The following SAMD12 variants were observed in gnomAD, a reference collection of about 807,000 sequenced individuals.
The protein encoded by SAMD12 is sterile alpha motif domain-containing protein 12.
In SAMD12, 9 loss-of-function variants were observed where a neutral mutation model predicts 15.0. The ratio of observed to expected loss-of-function variants is 0.60; its 90% CI spans 0.36 to 1.05. The LOEUF is 1.05. Ranked by LOEUF, SAMD12 falls within the 50% of genes least tolerant of loss-of-function variation. The probability of loss-of-function intolerance (pLI) is 0.01; values close to 1 mark genes in which losing one functional copy is unlikely to be tolerated. For missense variants in SAMD12, 230 were observed against 234.2 expected, an observed-to-expected ratio of 0.98 and a Z score of 0.12; for synonymous variants, 86 against 90.1, an observed-to-expected ratio of 0.96 and a Z score of 0.25.
At chr8:118,180,224 T>C in the SAMD12 span, among the ~76,000 whole-genome samples, 1 of 152,202 alleles carries the variant, frequency 6.6e-6, no homozygotes, top group African/African-American at 2.4e-5. Context: ...TCTATCCGTG[T>C]CTCATTCACT....
At chr8:118,552,887 A>G (rs1342045007) in intron 2 of SAMD12, among the ~76,000 whole-genome samples, 3 of 151,776 alleles carry the variant, frequency 2.0e-5, no homozygotes, top group Non-Finnish European at 4.4e-5. Flanking sequence ...TACACCAATA[A>G]CAGACAAACA....
chr8:118,613,567 C>T (rs1463268794), intron 1 of SAMD12, among the ~76,000 whole-genome samples: 9 of 152,192 alleles, frequency 5.9e-5, no homozygotes, highest in Non-Finnish European at 1.3e-4. Flanking sequence ...TCTCTTTTCA[C>T]TAAAGACTTC....
At chr8:118,173,726 T>C in the SAMD12 span, among the ~76,000 whole-genome samples, 36 of 150,954 alleles carry the variant, frequency 2.4e-4, no homozygotes, top group Admixed American at 3.3e-4. Context: ...GCCTCCTGGG[T>C]TCAAGTGATT....
chr8:118,570,669 T>TA (rs1826984718), intron 2 of SAMD12, among the ~76,000 whole-genome samples: 1 of 152,204 alleles, frequency 6.6e-6, no homozygotes, highest in Non-Finnish European at 1.5e-5. Context: ...GCAATGAACA[T>TA]ACGTGTATCT....
At chr8:118,390,056 G>C (rs949915801) in intron 3 of SAMD12, among the ~76,000 whole-genome samples, 8 of 152,172 alleles carry the variant, frequency 5.3e-5, no homozygotes, top group African/African-American at 1.9e-4. Context: ...ACCCAGGCTG[G>C]AGTGCAGTGG....
At chr8:118,177,212 T>G in the SAMD12 span, among the ~76,000 whole-genome samples, 2 of 151,438 alleles carry the variant, frequency 1.3e-5, no homozygotes, top group South Asian at 4.2e-4. Flanking sequence ...GAATTTTGTA[T>G]TAAGTCTAAA....
chr8:118,540,566 G>C (rs1034404882), intron 2 of SAMD12, among the ~76,000 whole-genome samples: 2 of 152,108 alleles, frequency 1.3e-5, no homozygotes, highest in Non-Finnish European at 2.9e-5. Context: ...GGAAAGTTAA[G>C]AATCTCACAG....
At chr8:118,333,998 AG>A (rs1816936242) in intron 4 of SAMD12, among the ~76,000 whole-genome samples, 1 of 148,054 alleles carries the variant, frequency 6.8e-6, no homozygotes, top group South Asian at 2.2e-4. Context: ...TGTGTGTGGG[AG>A]GGGAGTGTCC....
At chr8:118,171,990 C>T in the SAMD12 span, among the ~76,000 whole-genome samples, 4 of 152,034 alleles carry the variant, frequency 2.6e-5, no homozygotes, top group Non-Finnish European at 5.9e-5. Context: ...TCACTCTGAG[C>T]AAACTATCGC....
chr8:118,147,571 A>G, the SAMD12 span, among the ~76,000 whole-genome samples: 1 of 152,130 alleles, frequency 6.6e-6, no homozygotes, highest in African/African-American at 2.4e-5. Context: ...CATGTTGGTC[A>G]GGCTGGTCTC....
intron 3 of SAMD12, among the ~76,000 whole-genome samples, chr8:118,401,264 G>C (rs899173740): frequency 1.4e-4 from 22 of 152,164 alleles, no homozygotes; most frequent in African/African-American, 5.3e-4. Context: ...AACTGAACAT[G>C]GCTGAAAGTG....
chr8:118,301,399 CTGAGGG>C (rs914099196), intron 4 of SAMD12, among the ~76,000 whole-genome samples: 6 of 152,194 alleles, frequency 3.9e-5, no homozygotes, highest in African/African-American at 1.4e-4. Context: ...AAAATGCTCA[CTGAGGG>C]TGGGCCGTTC....
chr8:118,190,675 C>A (rs1368414398), exon 5 of SAMD12: 2 of 152,030 alleles, frequency 1.3e-5, no homozygotes, highest in Admixed American at 6.6e-5. Context: ...CAGCCCAGAT[C>A]GGCACTCTAA....
In SAMD12 at chr8:118,500,067, C is replaced by CTTTTTTTTTTTTTTT. The variant is rs563321387; in HGVS notation, c.193-60121_193-60107dup. ...CAGGATACACGCCCCTGAGTTTTGC[C>CTTTTTTTTTTTTTTT]TTTTTTTTTTTTTTTTTTTTTTTTT... On this transcript the variant is annotated intron_variant, in intron 2 of 3. Transcript: ENST00000314727. Among the ~76,000 whole-genome samples, 5 of 72,566 alleles carry CTTTTTTTTTTTTTTT rather than the reference C, an allele frequency of 6.9e-5. 1 individual carries two copies. The highest frequency in any genetic ancestry group is 1.2e-4 in the Non-Finnish European group (5 of 42,056). 47.6% of individuals were successfully genotyped at this position (72,566 alleles called of 152,430 possible). A position where few individuals can be genotyped will look rare whatever the true frequency, so the allele number is the denominator to read the frequency against.
intron 3 of SAMD12, among the ~76,000 whole-genome samples, chr8:118,396,558 A>T (rs1433195765): frequency 6.6e-6 from 1 of 152,210 alleles, no homozygotes; most frequent in Non-Finnish European, 1.5e-5. Context: ...TGAGTGAATA[A>T]ATGGCTCTAT....
the SAMD12 span, among the ~76,000 whole-genome samples, chr8:118,178,870 T>C: frequency 6.6e-6 from 1 of 152,206 alleles, no homozygotes; most frequent in African/African-American, 2.4e-5. Context: ...TGTTTCTTGC[T>C]CATGTAAAGT....
chr8:118,202,982 T>C (rs1819755376), intron 4 of SAMD12, among the ~76,000 whole-genome samples: 1 of 152,240 alleles, frequency 6.6e-6, no homozygotes, highest in Non-Finnish European at 1.5e-5. Flanking sequence ...TTTTGAGGTT[T>C]GGATTCATTA....
chr8:118,539,775 A>G (rs902199283), intron 2 of SAMD12, among the ~76,000 whole-genome samples: 1 of 152,162 alleles, frequency 6.6e-6, no homozygotes, highest in Admixed American at 6.5e-5. Context: ...AGTGCCATCC[A>G]TGGGTGGCCA....
chr8:118,136,134 A>AT, the SAMD12 span, among the ~76,000 whole-genome samples: 1 of 152,042 alleles, frequency 6.6e-6, no homozygotes, highest in African/African-American at 2.4e-5. Flanking sequence ...GGTTCAAGTA[A>AT]TTCTCCTGCC....
Sources: allele counts gnomAD v4.1 joint callset (sites outside exome capture counted in the v4.1 genomes callset), GRCh38; gene constraint gnomAD v4.1.1; transcripts MANE v1.5; gene names NCBI Gene and HGNC (gene_info 2026-07-23, HGNC 2026-07-21).